Variants in FBXO4 observed in about 807,000 individuals in gnomAD.
FBXO4 encodes the protein F-box only protein 4.
In FBXO4, 36 loss-of-function variants were observed where a neutral mutation model predicts 43.7. The ratio of observed to expected loss-of-function variants is 0.82; its 90% CI spans 0.63 to 1.09. FBXO4 has a LOEUF of 1.09. Among genes scored for constraint, FBXO4 ranks in the 50% least tolerant of loss-of-function variants. The pLI is 0.00. For missense variants in FBXO4, 435 were observed against 474.1 expected (o/e 0.92, Z 0.77); for synonymous variants, 180 against 165.6 (o/e 1.09, Z -0.67).
At chr5:42,038,326 A>G in the FBXO4 span, among the ~76,000 whole-genome samples, 2 of 152,120 alleles carry the variant, frequency 1.3e-5, no homozygotes, top group Non-Finnish European at 2.9e-5. Context: ...TACTATAGTC[A>G]TTGCTTAATC....
chr5:41,944,589 T>A (rs1207561093), downstream of FBXO4, among the ~76,000 whole-genome samples: 1 of 152,214 alleles, frequency 6.6e-6, no homozygotes, highest in Non-Finnish European at 1.5e-5. Flanking sequence ...AAAATGAGAC[T>A]ACATAAATGT....
At chr5:41,936,798 G>T (rs1211164673) in intron 5 of FBXO4, among the ~76,000 whole-genome samples, 2 of 152,072 alleles carry the variant, frequency 1.3e-5, no homozygotes, top group African/African-American at 4.8e-5. Context: ...AAGGAACAGA[G>T]TGAGAGTTGG....
chr5:41,999,524 CAT>C, the FBXO4 span, among the ~76,000 whole-genome samples: 116 of 87,822 alleles, frequency 1.3e-3, 2 homozygotes, highest in Middle Eastern at 0.012. Flanking sequence ...TATATATATA[CAT>C]ATATATATAC....
At chr5:41,969,264 G>C in the FBXO4 span, among the ~76,000 whole-genome samples, 4 of 152,068 alleles carry the variant, frequency 2.6e-5, no homozygotes, top group African/African-American at 9.7e-5. Flanking sequence ...TTCCAGAAGA[G>C]TTCATGAAAA....
At chr5:41,981,422 CA>C in the FBXO4 span, among the ~76,000 whole-genome samples, 1 of 150,438 alleles carries the variant, frequency 6.6e-6, no homozygotes, top group Non-Finnish European at 1.5e-5. Flanking sequence ...AACCTTCCAA[CA>C]GTCCAAAATA....
intron 6 of FBXO4, among the ~76,000 whole-genome samples, chr5:41,940,106 C>G (rs1394299866): frequency 6.6e-6 from 1 of 151,650 alleles, no homozygotes; most frequent in Non-Finnish European, 1.5e-5. Context: ...CTGCCTCGGC[C>G]TCCCAAAGTG....
chr5:42,004,764 C>T, the FBXO4 span, among the ~76,000 whole-genome samples: 750 of 152,196 alleles, frequency 4.9e-3, 7 homozygotes, highest in African/African-American at 0.017. Context: ...GAAGTTTCTA[C>T]GCTTCAAATT....
chr5:41,972,757 C>A, the FBXO4 span, among the ~76,000 whole-genome samples: 21 of 152,008 alleles, frequency 1.4e-4, no homozygotes, highest in Non-Finnish European at 2.5e-4. Flanking sequence ...GCTAGAAAAC[C>A]CAGAAATAAA....
the FBXO4 span, among the ~76,000 whole-genome samples, chr5:41,953,713 A>G: frequency 6.6e-6 from 1 of 151,388 alleles, no homozygotes. Context: ...CTGGTATCTC[A>G]TTGTGGTTTT....
the FBXO4 span, among the ~76,000 whole-genome samples, chr5:42,030,534 G>A: frequency 4.6e-5 from 7 of 151,952 alleles, no homozygotes; most frequent in African/African-American, 1.7e-4. Context: ...TACCATTCAG[G>A]ACATAGGCAT....
the FBXO4 span, among the ~76,000 whole-genome samples, chr5:41,969,451 G>C: frequency 6.6e-6 from 1 of 152,036 alleles, no homozygotes; most frequent in Non-Finnish European, 1.5e-5. Context: ...TGTGCTGATA[G>C]AACATCTCAG....
intron 3 of FBXO4, 30 bp from the exon 4 acceptor site, chr5:41,933,916 T>G: frequency 6.4e-7 from 1 of 1,562,094 alleles, no homozygotes; most frequent in Non-Finnish European, 8.7e-7. Flanking sequence ...ATTAATGATT[T>G]GTTTTGGTAA....
At chr5:41,968,024 C>T in the FBXO4 span, 24 of 413,448 alleles carry the variant, frequency 5.8e-5, no homozygotes, top group South Asian at 4.5e-4. Flanking sequence ...TCCTCCACCT[C>T]CTGCCGCACT....
At chr5:41,971,644 G>A in the FBXO4 span, among the ~76,000 whole-genome samples, 4 of 151,768 alleles carry the variant, frequency 2.6e-5, no homozygotes, top group African/African-American at 7.3e-5. Flanking sequence ...CTGATTATGT[G>A]CATTTTAGTA....
At chr5:42,028,526 T>C in the FBXO4 span, among the ~76,000 whole-genome samples, 1 of 151,798 alleles carries the variant, frequency 6.6e-6, no homozygotes, top group Non-Finnish European at 1.5e-5. Context: ...TTATATTCAA[T>C]GTTACTATTG....
At chr5:41,992,405 A>G in the FBXO4 span, among the ~76,000 whole-genome samples, 2 of 152,174 alleles carry the variant, frequency 1.3e-5, no homozygotes, top group African/African-American at 4.8e-5. Flanking sequence ...TGTTTTTTCT[A>G]TTGGGAATCT....
chr5:41,934,080 G>A, intron 4 of FBXO4, 53 bp from the exon 5 acceptor site: 2 of 1,611,188 alleles, frequency 1.2e-6, no homozygotes, highest in South Asian at 2.2e-5. Flanking sequence ...TTTCAGGTGA[G>A]TGGAGCCTGT....
the FBXO4 span, among the ~76,000 whole-genome samples, chr5:41,969,891 G>A: frequency 2.8e-3 from 421 of 152,234 alleles, 2 homozygotes; most frequent in African/African-American, 8.7e-3. Context: ...GTGGGGATAA[G>A]AGTGAAATCT....
At chr5:42,037,125 C>G in the FBXO4 span, among the ~76,000 whole-genome samples, 12 of 152,050 alleles carry the variant, frequency 7.9e-5, no homozygotes, top group Non-Finnish European at 1.8e-4. Context: ...TATTATTTAT[C>G]CTCACTACAG....
Sources: gnomAD v4.1 joint callset for allele counts (sites outside exome capture counted in the v4.1 genomes callset) on GRCh38, gnomAD v4.1.1 for gene constraint, MANE v1.5 for transcripts, NCBI Gene and HGNC (gene_info 2026-07-23, HGNC 2026-07-21) for gene names.